Variants in IQCJ observed in about 807,000 individuals in gnomAD.
IQCJ encodes the protein IQ motif containing J, also known as IQ domain-containing protein J.
In IQCJ, 9 loss-of-function variants were observed where a neutral mutation model predicts 11.0. The observed-to-expected ratio is 0.82, with a 90% confidence interval of 0.49 to 1.43. IQCJ has a LOEUF of 1.43. IQCJ is among the 40% of genes most tolerant of loss of function. The pLI is 0.00. For synonymous variants in IQCJ, 55 were observed against 51.3 expected (o/e 1.07, Z -0.31); for missense variants, 146 against 133.2 (o/e 1.10, Z -0.47).
Position 159,168,465 on chromosome 3 carries a change from C to A in IQCJ, c.10-77378C>A, listed in dbSNP as rs373188181. Among the ~76,000 whole-genome samples, 6 of 152,228 alleles carry A rather than the reference C, an allele frequency of 3.9e-5. No individual in the cohort carries two copies. The South Asian group carries it at 6.2e-4, about 16-fold the overall frequency. On this transcript the variant is annotated intron_variant, in intron 1 of 3. Transcript: ENST00000397832. ...TAAATTTTTATATTAAAAATTCAGTCAAATATAATTGTGGTTCCTCCTCCA... is the reference window on the plus strand; with the variant it reads ...TAAATTTTTATATTAAAAATTCAGTAAAATATAATTGTGGTTCCTCCTCCA...
intron 1 of IQCJ, among the ~76,000 whole-genome samples, chr3:159,151,974 T>A (rs1412650207): frequency 6.6e-6 from 1 of 152,172 alleles, no homozygotes; most frequent in Non-Finnish European, 1.5e-5. Context: ...AATATCAGAT[T>A]CAATTCTGTG....
chr3:159,245,977 G>A, intron 2 of IQCJ, 70 bp downstream of exon 2: 1 of 1,167,844 alleles, frequency 8.6e-7, no homozygotes, highest in East Asian at 2.7e-5. Context: ...AATCTTTCTG[G>A]TAAAAATAAG....
chr3:159,085,586 C>T (rs1463118269), intron 1 of IQCJ, among the ~76,000 whole-genome samples: 1 of 146,566 alleles, frequency 6.8e-6, no homozygotes, highest in Non-Finnish European at 1.5e-5. Context: ...CCTGTTGTTT[C>T]CTGACTTTTT....
intron 1 of IQCJ, among the ~76,000 whole-genome samples, chr3:159,109,596 G>C (rs973077782): frequency 4.0e-5 from 6 of 149,316 alleles, no homozygotes; most frequent in African/African-American, 1.5e-4. Flanking sequence ...CGCTTGTCTA[G>C]CAAGAAATAA....
intron 1 of IQCJ, among the ~76,000 whole-genome samples, chr3:159,215,105 C>T (rs538073528): frequency 6.6e-6 from 1 of 152,192 alleles, no homozygotes; most frequent in East Asian, 1.9e-4. Context: ...TACTTGGGAG[C>T]CTTCACAAGG....
chr3:159,173,672 C>T (rs571532849), intron 1 of IQCJ, among the ~76,000 whole-genome samples: 23 of 152,288 alleles, frequency 1.5e-4, no homozygotes, highest in Admixed American at 5.9e-4. Context: ...TTGACTCCCT[C>T]GCTGCTGCAG....
intron 1 of IQCJ, among the ~76,000 whole-genome samples, chr3:159,100,178 G>A (rs1482926770): frequency 8.4e-5 from 1 of 11,882 alleles, no homozygotes; most frequent in Non-Finnish European, 1.5e-4. Context: ...TGAGGCTTCT[G>A]CATTCTTCAC....
At chr3:159,078,651 CT>C (rs1716106418) in intron 1 of IQCJ, among the ~76,000 whole-genome samples, 1 of 150,174 alleles carries the variant, frequency 6.7e-6, no homozygotes, top group South Asian at 2.1e-4. Context: ...CTTGGAATTA[CT>C]TTTAACTCTG....
At chr3:159,247,776 C>T (rs1436753682) in intron 2 of IQCJ, among the ~76,000 whole-genome samples, 4 of 152,150 alleles carry the variant, frequency 2.6e-5, no homozygotes, top group Non-Finnish European at 4.4e-5. Context: ...GTTTCTATGA[C>T]CTGCCTTGTG....
intron 1 of IQCJ, among the ~76,000 whole-genome samples, chr3:159,183,996 C>A (rs556809227): frequency 6.6e-6 from 1 of 151,086 alleles, no homozygotes; most frequent in Non-Finnish European, 1.5e-5. Flanking sequence ...TAGTTGCCCA[C>A]GCAGCAGCCA....
chr3:159,159,271 A>G (rs1343257329), intron 1 of IQCJ, among the ~76,000 whole-genome samples: 1 of 152,142 alleles, frequency 6.6e-6, no homozygotes, highest in Non-Finnish European at 1.5e-5. Context: ...AGCTTGATAA[A>G]GGAGAAGGTT....
chr3:159,249,657 A>T (rs1727477995), intron 2 of IQCJ, among the ~76,000 whole-genome samples: 1 of 152,208 alleles, frequency 6.6e-6, no homozygotes, highest in Non-Finnish European at 1.5e-5. Flanking sequence ...GAGTGAGCAG[A>T]TTAGGCATTT....
chr3:159,090,544 G>C (rs56145560), intron 1 of IQCJ, among the ~76,000 whole-genome samples: 2,845 of 151,848 alleles, frequency 0.019, 157 homozygotes, highest in African/African-American at 0.067. Flanking sequence ...GGAGTCAGTG[G>C]ACCATGGGAG....
At chr3:159,069,928 A>T (rs1715451129) in intron 1 of IQCJ, 1 of 273,530 alleles carries the variant, frequency 3.7e-6, no homozygotes, top group Non-Finnish European at 7.5e-6. Context: ...GAAAATTGGG[A>T]GAGAAGAGTT....
chr3:159,195,580 A>G (rs1019005066), intron 1 of IQCJ, among the ~76,000 whole-genome samples: 2 of 152,174 alleles, frequency 1.3e-5, no homozygotes, highest in African/African-American at 2.4e-5. Flanking sequence ...ATTTCTTCCC[A>G]AACAGTACCT....
chr3:159,214,438 A>G (rs1278438645), intron 1 of IQCJ, among the ~76,000 whole-genome samples: 1 of 152,096 alleles, frequency 6.6e-6, no homozygotes, highest in Non-Finnish European at 1.5e-5. Flanking sequence ...AAACCTTCCT[A>G]TTCAGGTCCT....
chr3:159,162,365 T>G (rs1721913778), intron 1 of IQCJ, among the ~76,000 whole-genome samples: 1 of 152,310 alleles, frequency 6.6e-6, no homozygotes. Flanking sequence ...TGCTTGTGAT[T>G]TTTGTACATT....
At chr3:159,224,842 T>G (rs1725754845) in intron 1 of IQCJ, among the ~76,000 whole-genome samples, 1 of 152,156 alleles carries the variant, frequency 6.6e-6, no homozygotes, top group Admixed American at 6.5e-5. Flanking sequence ...AATCTGTACA[T>G]TTAAAAAATT....
intron 1 of IQCJ, among the ~76,000 whole-genome samples, chr3:159,163,353 G>T (rs998645209): frequency 2.6e-5 from 4 of 152,042 alleles, no homozygotes; most frequent in Non-Finnish European, 2.9e-5. Context: ...TGCAGAAAAG[G>T]CCTTTGACAA....
Sources: allele counts gnomAD v4.1 joint callset (sites outside exome capture counted in the v4.1 genomes callset), GRCh38; gene constraint gnomAD v4.1.1; transcripts MANE v1.5; gene names NCBI Gene and HGNC (gene_info 2026-07-23, HGNC 2026-07-21).